Variants in NBEA observed in about 807,000 individuals in gnomAD.
NBEA encodes the protein neurobeachin.
A neutral mutation model predicts 343.4 loss-of-function variants in NBEA; 44 were observed. That is an observed-to-expected ratio of 0.13 (90% CI 0.10 to 0.16). NBEA has a LOEUF of 0.16. Ranked by LOEUF, NBEA falls within the 10% of genes least tolerant of loss-of-function variation. The probability of loss-of-function intolerance (pLI) is 1.00; values close to 1 mark genes in which losing one functional copy is unlikely to be tolerated. For synonymous variants in NBEA, 1,175 were observed against 1,238.7 expected, an observed-to-expected ratio of 0.95 and a Z score of 1.08; for missense variants, 2,555 against 3,631.3, an observed-to-expected ratio of 0.70 and a Z score of 7.62.
chr13:35,400,364 A>G (rs573409826), intron 38 of NBEA, among the ~76,000 whole-genome samples: 2 of 152,154 alleles, frequency 1.3e-5, no homozygotes, highest in South Asian at 2.1e-4. Flanking sequence ...ATATCATAGA[A>G]CTATTGTAAG....
intron 36 of NBEA, among the ~76,000 whole-genome samples, chr13:35,326,470 T>A (rs1566622065): frequency 6.6e-6 from 1 of 152,112 alleles, no homozygotes; most frequent in Non-Finnish European, 1.5e-5. Flanking sequence ...TGCTACTGAT[T>A]TTTATATATT....
chr13:35,561,690 G>C (rs1457247795), intron 44 of NBEA, among the ~76,000 whole-genome samples: 2 of 152,078 alleles, frequency 1.3e-5, no homozygotes, highest in African/African-American at 4.8e-5. Context: ...CATGGTCTCA[G>C]TATCATAGTA....
At chr13:35,055,045 AC>A (rs2063202774) in intron 6 of NBEA, among the ~76,000 whole-genome samples, 1 of 152,026 alleles carries the variant, frequency 6.6e-6, no homozygotes, top group African/African-American at 2.4e-5. Context: ...GATTATTGTA[AC>A]TTTTTATTTC....
intron 40 of NBEA, among the ~76,000 whole-genome samples, chr13:35,468,099 A>ATTAT (rs2075466680): frequency 8.3e-5 from 1 of 12,086 alleles, no homozygotes; most frequent in African/African-American, 1.2e-4. Context: ...CCTCCTGAAA[A>ATTAT]TGATTTACAC....
chr13:35,428,833 T>C (rs1352210266), intron 38 of NBEA, among the ~76,000 whole-genome samples: 1 of 152,256 alleles, frequency 6.6e-6, no homozygotes, highest in Non-Finnish European at 1.5e-5. Context: ...TTATTTTATT[T>C]AAACCTTCTA....
intron 34 of NBEA, among the ~76,000 whole-genome samples, chr13:35,264,101 G>A (rs1330360364): frequency 1.3e-5 from 2 of 149,816 alleles, no homozygotes; most frequent in African/African-American, 2.4e-5. Context: ...ACAGAAATAC[G>A]AAGGACAACA....
intron 41 of NBEA, among the ~76,000 whole-genome samples, chr13:35,493,759 C>T (rs1308534171): frequency 1.3e-5 from 2 of 151,802 alleles, no homozygotes; most frequent in East Asian, 1.9e-4. Context: ...AGATGATTTC[C>T]CTTCTAAAAT....
At chr13:35,078,425 T>C (rs1215761528) in intron 10 of NBEA, among the ~76,000 whole-genome samples, 2 of 152,312 alleles carry the variant, frequency 1.3e-5, no homozygotes, top group East Asian at 3.9e-4. Flanking sequence ...AGCTGTGATA[T>C]GGAATATGTT....
At chr13:35,453,320 A>G (rs2046399697) in intron 40 of NBEA, among the ~76,000 whole-genome samples, 2 of 152,292 alleles carry the variant, frequency 1.3e-5, no homozygotes, top group South Asian at 4.1e-4. Flanking sequence ...ATATTTCTAT[A>G]TTATTCACAT....
intron 34 of NBEA, among the ~76,000 whole-genome samples, chr13:35,254,577 C>T (rs905536245): frequency 3.3e-5 from 5 of 151,998 alleles, no homozygotes; most frequent in Admixed American, 2.6e-4. Context: ...CCACCTCAGC[C>T]TCCCAAACTG....
intron 43 of NBEA, among the ~76,000 whole-genome samples, chr13:35,553,635 A>G (rs536534674): frequency 3.9e-5 from 6 of 152,302 alleles, no homozygotes; most frequent in South Asian, 2.1e-4. Flanking sequence ...TATTTTGATA[A>G]TCTTTTGTGC....
chr13:35,403,182 A>T (rs1206179378), intron 38 of NBEA, among the ~76,000 whole-genome samples: 1 of 151,418 alleles, frequency 6.6e-6, no homozygotes, highest in Non-Finnish European at 1.5e-5. Flanking sequence ...AATAAATAAA[A>T]AATTAATTAA....
intron 40 of NBEA, among the ~76,000 whole-genome samples, chr13:35,461,112 G>A (rs1452113944): frequency 1.3e-5 from 2 of 152,106 alleles, no homozygotes; most frequent in Non-Finnish European, 2.9e-5. Context: ...CCTCTTAAAG[G>A]CACCACTTCT....
At chr13:35,570,874 A>G (rs904576447) in intron 45 of NBEA, among the ~76,000 whole-genome samples, 7 of 152,212 alleles carry the variant, frequency 4.6e-5, no homozygotes. Flanking sequence ...AAAAACTACT[A>G]TAGTGCAATA....
In NBEA at chr13:34,957,468, A is replaced by G. The variant is rs540595463; in HGVS notation, c.294+14354A>G. 1.5e-4 allele frequency among the ~76,000 whole-genome samples: 23 copies of G among 152,268 alleles called. No homozygotes were observed. The South Asian group carries it at 4.6e-3, about 30-fold the overall frequency. ...AATTTGTTATGTATGATTAAGCCTG[A>G]TGATTTCACTTCCTTACTGAATATT... On this transcript the variant is annotated intron_variant, in intron 1 of 58. Transcript: ENST00000379939.
intron 1 of NBEA, among the ~76,000 whole-genome samples, chr13:34,969,702 G>A (rs891182133): frequency 1.3e-5 from 2 of 151,802 alleles, no homozygotes; most frequent in Non-Finnish European, 2.9e-5. Context: ...CTCCATCTAT[G>A]TGTCTGCAAA....
At chr13:35,461,483 G>A (rs1321903240) in intron 40 of NBEA, among the ~76,000 whole-genome samples, 1 of 152,174 alleles carries the variant, frequency 6.6e-6, no homozygotes, top group Non-Finnish European at 1.5e-5. Context: ...CTATATGGAG[G>A]TGACTAAGCT....
At chr13:35,258,187 T>TTG (rs1437670406) in intron 34 of NBEA, among the ~76,000 whole-genome samples, 3 of 149,262 alleles carry the variant, frequency 2.0e-5, no homozygotes, top group African/African-American at 5.0e-5. Context: ...TTTTTTTTTT[T>TTG]AAACAACATC....
chr13:35,390,166 T>A (rs2042434307), intron 38 of NBEA, among the ~76,000 whole-genome samples: 1 of 151,968 alleles, frequency 6.6e-6, no homozygotes. Context: ...ATTCTCTAGG[T>A]ACAATAAAGC....
Sources: gnomAD v4.1 joint callset for allele counts (sites outside exome capture counted in the v4.1 genomes callset) on GRCh38, gnomAD v4.1.1 for gene constraint, MANE v1.5 for transcripts, NCBI Gene and HGNC (gene_info 2026-07-23, HGNC 2026-07-21) for gene names.